The following DOCK4 variants were observed in gnomAD, a reference collection of about 807,000 sequenced individuals.
The protein encoded by DOCK4 is dedicator of cytokinesis 4, also known as dedicator of cytokinesis protein 4.
A neutral mutation model predicts 268.1 loss-of-function variants in DOCK4; 97 were observed. The observed-to-expected ratio is 0.36, with a 90% CI of 0.31 to 0.43. DOCK4 has a LOEUF of 0.43. Ranked by LOEUF, DOCK4 falls within the 20% of genes least tolerant of loss-of-function variation. The probability of loss-of-function intolerance (pLI) is 1.00; values close to 1 mark genes in which losing one functional copy is unlikely to be tolerated. For synonymous variants in DOCK4, 954 were observed against 887.2 expected, an observed-to-expected ratio of 1.08 and a Z score of -1.34; for missense variants, 2,145 against 2,455.7, an observed-to-expected ratio of 0.87 and a Z score of 2.67.
At chr7:112,153,203 C>A (rs1220790797) in intron 1 of DOCK4, among the ~76,000 whole-genome samples, 4 of 152,256 alleles carry the variant, frequency 2.6e-5, no homozygotes, top group Admixed American at 6.5e-5. Flanking sequence ...TTAAGTAATT[C>A]TCTTTATGAC....
intron 52 of DOCK4, among the ~76,000 whole-genome samples, chr7:111,730,634 G>GT (rs1315463719): frequency 6.9e-6 from 1 of 145,422 alleles, no homozygotes; most frequent in Non-Finnish European, 1.5e-5. Context: ...GCTGGCTGGG[G>GT]TAAAAAAAAA....
intron 51 of DOCK4, among the ~76,000 whole-genome samples, chr7:111,734,842 T>A (rs914170235): frequency 1.1e-4 from 16 of 152,144 alleles, no homozygotes; most frequent in African/African-American, 3.6e-4. Flanking sequence ...ATAAAATCTG[T>A]CCGAGAGGCT....
At chr7:112,165,495 T>C (rs77889469) in intron 1 of DOCK4, among the ~76,000 whole-genome samples, 2,125 of 151,608 alleles carry the variant, frequency 0.014, 24 homozygotes, top group African/African-American at 0.028. Flanking sequence ...TGATATGATT[T>C]CATTGTTGTT....
chr7:111,888,247 TTTCTTC>T (rs1808010462), intron 16 of DOCK4, among the ~76,000 whole-genome samples: 1 of 147,568 alleles, frequency 6.8e-6, no homozygotes, highest in Non-Finnish European at 1.5e-5. Context: ...CCAGCCCTAA[TTTCTTC>T]TAGGGCTGGG....
chr7:111,879,539 C>G (rs912470115), intron 16 of DOCK4, among the ~76,000 whole-genome samples: 6 of 152,130 alleles, frequency 3.9e-5, no homozygotes, highest in African/African-American at 1.4e-4. Context: ...CAGTACAGGC[C>G]TAGGCTCTTG....
intron 6 of DOCK4, among the ~76,000 whole-genome samples, chr7:111,985,323 A>G (rs1202533058): frequency 6.6e-6 from 1 of 152,142 alleles, no homozygotes; most frequent in African/African-American, 2.4e-5. Flanking sequence ...TCTCTAGCAG[A>G]GCCCCCTCAA....
chr7:112,115,072 T>C (rs1812005911), intron 1 of DOCK4, among the ~76,000 whole-genome samples: 1 of 152,122 alleles, frequency 6.6e-6, no homozygotes, highest in South Asian at 2.1e-4. Flanking sequence ...TAATATCTAG[T>C]CAAGCAGAAT....
intron 12 of DOCK4, among the ~76,000 whole-genome samples, chr7:111,934,931 A>G (rs1794601084): frequency 6.6e-6 from 1 of 151,390 alleles, no homozygotes; most frequent in Admixed American, 6.6e-5. Context: ...CATATTTGTC[A>G]TGTGATTTTT....
At chr7:111,945,653 C>G (rs1233329888) in intron 9 of DOCK4, 64 bp downstream of exon 9, 2 of 1,355,668 alleles carry the variant, frequency 1.5e-6, no homozygotes, top group African/African-American at 2.9e-5. Context: ...TAATTTATTT[C>G]TCCTAAATAG....
chr7:111,861,793 CAA>C (rs1212282695), intron 23 of DOCK4, among the ~76,000 whole-genome samples: 3 of 148,886 alleles, frequency 2.0e-5, no homozygotes, highest in Non-Finnish European at 4.5e-5. Flanking sequence ...AAAAACACTC[CAA>C]AGAGTGACAT....
At position 111,968,262 on chromosome 7, in the gene DOCK4, G is replaced by C. The variant is rs1346088949; in HGVS notation, c.701+8870C>G. On this transcript the variant is annotated intron_variant, in intron 8 of 52. Transcript: ENST00000428084. ...CACAGCAAAAGAAACTACCATCAGA[G>C]TGAACAGGCAACCTACAACATGGGA... is the stretch of plus-strand genomic sequence containing the variant. Among the ~76,000 whole-genome samples the C allele has an allele frequency of 1.6e-4, 10 of 64,136 alleles. 1 individual carries two copies. The highest frequency in any genetic ancestry group is 3.4e-4 in the African/African-American group (3 of 8,734). The allele number at this position is 64,136 out of a possible 152,430, so 42.1% of individuals were successfully genotyped here.
In DOCK4 at chr7:111,822,323, T is replaced by C. The variant is rs180986307; in HGVS notation, c.2930+39A>G. The C allele has an allele frequency of 4.0e-3, 6,145 of 1,534,648 alleles. 23 individuals carry two copies. Among genetic ancestry groups the C allele is most frequent in the Non-Finnish European group, 4.1e-3 (4,608 of 1,114,550 alleles). On this transcript the variant is annotated intron_variant, in intron 27 of 52. Coordinates refer to ENST00000428084, the MANE Select transcript of DOCK4 (RefSeq NM_001363540.2). ...AATTTTGTACTCCCTTCTTCCTCTA[T>C]ACATTGAGCTGCAATTATCATCAAC...
At chr7:111,973,415 T>A (rs1159734594) in intron 8 of DOCK4, among the ~76,000 whole-genome samples, 3 of 152,022 alleles carry the variant, frequency 2.0e-5, no homozygotes, top group African/African-American at 7.2e-5. Flanking sequence ...TTTAAACGTT[T>A]GCAATTAGAC....
intron 1 of DOCK4, among the ~76,000 whole-genome samples, chr7:112,067,242 T>TAA (rs76863833): frequency 2.6e-3 from 355 of 136,120 alleles, no homozygotes; most frequent in African/African-American, 6.9e-3. Context: ...CACCTTTACT[T>TAA]AAAAAAAAAA....
intron 1 of DOCK4, among the ~76,000 whole-genome samples, chr7:112,145,111 C>T (rs773153966): frequency 6.6e-5 from 10 of 152,048 alleles, no homozygotes; most frequent in Non-Finnish European, 1.2e-4. Context: ...AGGCAGGGAC[C>T]GGACACCTTA....
chr7:112,158,915 C>T (rs1183853418), intron 1 of DOCK4, among the ~76,000 whole-genome samples: 1 of 152,118 alleles, frequency 6.6e-6, no homozygotes, highest in Non-Finnish European at 1.5e-5. Context: ...AAGGTTTACA[C>T]GGCAGGTAAA....
At chr7:112,161,232 G>GA (rs915682139) in intron 1 of DOCK4, among the ~76,000 whole-genome samples, 4 of 151,386 alleles carry the variant, frequency 2.6e-5, no homozygotes, top group South Asian at 2.1e-4. Flanking sequence ...AAAAGGTTGA[G>GA]AAAAAAAAAG....
At chr7:112,072,294 G>A (rs1184275922) in intron 1 of DOCK4, among the ~76,000 whole-genome samples, 1 of 152,108 alleles carries the variant, frequency 6.6e-6, no homozygotes, top group Non-Finnish European at 1.5e-5. Context: ...CAAGAAGTTA[G>A]TAAACAATCT....
chr7:112,149,024 TCTTGCTC>T (rs1366968532), intron 1 of DOCK4, among the ~76,000 whole-genome samples: 1 of 152,198 alleles, frequency 6.6e-6, no homozygotes, highest in African/African-American at 2.4e-5. Context: ...TACTGCTTCA[TCTTGCTC>T]TGTTCCTAAT....
Sources: allele counts gnomAD v4.1 joint callset (sites outside exome capture counted in the v4.1 genomes callset), GRCh38; gene constraint gnomAD v4.1.1; transcripts MANE v1.5; gene names NCBI Gene and HGNC (gene_info 2026-07-23, HGNC 2026-07-21).